GMPS: variants seen among roughly 807,000 people sequenced by gnomAD.
GMPS encodes the protein GMP synthase [glutamine-hydrolyzing].
A neutral mutation model predicts 77.9 loss-of-function variants in GMPS; 15 were observed. The observed-to-expected ratio is 0.19, with a 90% CI of 0.13 to 0.30. The LOEUF (loss-of-function observed/expected upper bound fraction) is 0.30. Ranked by LOEUF, GMPS falls within the 10% of genes least tolerant of loss-of-function variation. The probability of loss-of-function intolerance (pLI) is 1.00; values close to 1 mark genes in which losing one functional copy is unlikely to be tolerated. For missense variants in GMPS, 590 were observed against 838.8 expected (o/e 0.70, Z 3.66); for synonymous variants, 224 against 275.9 (o/e 0.81, Z 1.86).
intron 1 of GMPS, among the ~76,000 whole-genome samples, chr3:155,872,937 T>C (rs1753938665): frequency 6.6e-6 from 1 of 152,166 alleles, no homozygotes; most frequent in South Asian, 2.1e-4. Context: ...TAAAGAGATA[T>C]TAAATATGGG....
At chr3:155,892,584 AGT>A (rs577286288) in intron 1 of GMPS, among the ~76,000 whole-genome samples, 156 of 152,316 alleles carry the variant, frequency 1.0e-3, no homozygotes, top group African/African-American at 3.4e-3. Context: ...CTTTCAGAAA[AGT>A]GTTATCCATG....
Position 155,922,199 on chromosome 3 carries a change from C to T in GMPS, c.1331C>T (p.Ala444Val). 6.7e-7 allele frequency: 1 copy of T among 1,491,082 alleles called. No homozygotes were observed. The highest frequency in any genetic ancestry group is 9.1e-7 in the Non-Finnish European group (1 of 1,099,784). 92.4% of individuals were successfully genotyped at this position (1,491,082 alleles called of 1,614,324 possible). A position where few individuals can be genotyped will look rare whatever the true frequency, so the allele number is the denominator to read the frequency against. Residue 444 changes from alanine (A) to valine (V), a missense_variant, in exon 11 of 16, where the codon GCA becomes GTA. Around this residue, in one of 6 missense-constraint regions of GMPS, gnomAD observed 64 missense variants for 114.5 expected, o/e 0.56. Transcript: ENST00000496455. ...SRHPFPGPGLAIRVICAEEPY... is the reference protein window; with the variant it reads ...SRHPFPGPGLVIRVICAEEPY... ...CTCCTACCTTTAGGTCCTGGCCTGG[C>T]AATCAGAGTAATATGTGCTGAAGAA...
chr3:155,869,801 A>T (rs1283072659), upstream of GMPS, among the ~76,000 whole-genome samples: 1 of 152,222 alleles, frequency 6.6e-6, no homozygotes, highest in African/African-American at 2.4e-5. Flanking sequence ...GCTGTATTAT[A>T]ATAAAAATAT....
intron 9 of GMPS, among the ~76,000 whole-genome samples, chr3:155,917,751 T>C (rs1273756282): frequency 2.6e-5 from 4 of 151,992 alleles, no homozygotes; most frequent in Non-Finnish European, 5.9e-5. Context: ...CGGGCATCTA[T>C]AATGCCAGCT....
At chr3:155,872,176 A>G (rs952055349) in intron 1 of GMPS, among the ~76,000 whole-genome samples, 8 of 152,216 alleles carry the variant, frequency 5.3e-5, no homozygotes, top group Non-Finnish European at 5.9e-5. Flanking sequence ...GTGCTGCTCA[A>G]GGGTCACATC....
In GMPS at chr3:155,922,049, T is replaced by C. The variant is rs1043670629; in HGVS notation, c.1319-138T>C. On this transcript the variant is annotated intron_variant, in intron 10 of 15. Coordinates refer to ENST00000496455, the MANE Select transcript of GMPS (RefSeq NM_003875.3). Reference sequence around the variant, plus strand: ...GTTGAATGGGAAACTAATAGCTACATTTGGATACTTATGATGGGCAGATGG... The same window carrying C: ...GTTGAATGGGAAACTAATAGCTACACTTGGATACTTATGATGGGCAGATGG... The C allele has an allele frequency of 1.3e-5, 6 of 475,002 alleles. No individual in the cohort carries two copies. In the Admixed American group the frequency reaches 2.5e-4, roughly 20 times the overall value. 29.4% of individuals were successfully genotyped at this position (475,002 alleles called of 1,614,324 possible).
At chr3:155,937,290 A>T (rs550763007) in intron 15 of GMPS, among the ~76,000 whole-genome samples, 1 of 152,218 alleles carries the variant, frequency 6.6e-6, no homozygotes, top group South Asian at 2.1e-4. Flanking sequence ...TCAAATCGCT[A>T]TATGTTCTTA....
At chr3:155,925,134 C>G (rs1056615227) in intron 11 of GMPS, 107 bp from the exon 12 acceptor site, 1 of 948,884 alleles carries the variant, frequency 1.1e-6, no homozygotes, top group African/African-American at 1.6e-5. Context: ...ATACCAAATA[C>G]AATCCACTGC....
chr3:155,942,845 G>T lies in GMPS; in HGVS notation c.*5153G>T, dbSNP rs1755926258. On this transcript the variant is annotated 3_prime_UTR_variant, in exon 16 of 16. Transcript: ENST00000496455. ...TCAACACATAAATCCTGTCATTTGGGTATTATTCTTTAGAGAACTAGAGAT... is the reference window on the plus strand; with the variant it reads ...TCAACACATAAATCCTGTCATTTGGTTATTATTCTTTAGAGAACTAGAGAT... 9.4e-6 allele frequency: 2 copies of T among 212,516 alleles called. No homozygotes were observed. Among genetic ancestry groups the T allele is most frequent in the Non-Finnish European group, 1.9e-5 (2 of 105,040 alleles). 13.2% of individuals were successfully genotyped at this position (212,516 alleles called of 1,614,324 possible). A position where few individuals can be genotyped will look rare whatever the true frequency, so the allele number is the denominator to read the frequency against.
chr3:155,911,111 T>A lies in GMPS; in HGVS notation c.721-3T>A. The A allele has an allele frequency of 6.3e-7, 1 of 1,587,782 alleles. No individual in the cohort carries two copies. Among genetic ancestry groups the A allele is most frequent in the Non-Finnish European group, 8.6e-7 (1 of 1,169,092 alleles). Reference sequence around the variant, plus strand: ...CATTTTGATTTTTCATTTTACCCCGTAGGTTTTACTCAGTGGTGGAGTAGA... The same window carrying A: ...CATTTTGATTTTTCATTTTACCCCGAAGGTTTTACTCAGTGGTGGAGTAGA... On this transcript the variant is annotated splice_polypyrimidine_tract_variant and splice_region_variant and intron_variant, in intron 6 of 15. Coordinates refer to ENST00000496455, the MANE Select transcript of GMPS (RefSeq NM_003875.3).
At chr3:155,912,282 AGAG>A (rs1387701930) in intron 7 of GMPS, among the ~76,000 whole-genome samples, 2 of 152,218 alleles carry the variant, frequency 1.3e-5, no homozygotes, top group Non-Finnish European at 2.9e-5. Flanking sequence ...GATGTGGGAT[AGAG>A]GAGATGACAG....
In GMPS at chr3:155,943,468, T is replaced by C. The variant is rs537036894; in HGVS notation, c.*5776T>C. ...TTTAAGGTAAGTAGTTTTTCGTCTT[T>C]GCATCTCCTAAGACCATTGTTAACA... On this transcript the variant is annotated 3_prime_UTR_variant, in exon 16 of 16. Transcript: ENST00000496455. The C allele has an allele frequency of 3.3e-5, 6 of 179,310 alleles. No individual in the cohort carries two copies. The highest frequency in any genetic ancestry group is 7.2e-5 in the Non-Finnish European group (6 of 83,662). 11.1% of individuals were successfully genotyped at this position (179,310 alleles called of 1,614,324 possible). A position where few individuals can be genotyped will look rare whatever the true frequency, so the allele number is the denominator to read the frequency against.
chr3:155,884,450 A>G (rs1754283014), intron 1 of GMPS, among the ~76,000 whole-genome samples: 2 of 152,120 alleles, frequency 1.3e-5, no homozygotes, highest in Admixed American at 6.6e-5. Context: ...ATTTTAGTCA[A>G]CAGTGCCAAC....
intron 1 of GMPS, among the ~76,000 whole-genome samples, chr3:155,879,764 A>G (rs1251198421): frequency 5.0e-5 from 5 of 99,612 alleles, no homozygotes; most frequent in African/African-American, 2.0e-4. Flanking sequence ...GGAGTCTCGC[A>G]CTGTTCCCCG....
At chr3:155,877,410 G>A (rs1754077240) in intron 1 of GMPS, among the ~76,000 whole-genome samples, 1 of 151,982 alleles carries the variant, frequency 6.6e-6, no homozygotes, top group African/African-American at 2.4e-5. Flanking sequence ...TCTGCTTAAA[G>A]TATCCAACCC....
In GMPS at chr3:155,941,380, G is replaced by T; in HGVS notation, c.*3688G>T. The T allele has an allele frequency of 5.8e-6, 1 of 171,274 alleles. No homozygotes were observed. Among genetic ancestry groups the T allele is most frequent in the Non-Finnish European group, 1.2e-5 (1 of 84,150 alleles). 10.6% of individuals were successfully genotyped at this position (171,274 alleles called of 1,614,324 possible). A position where few individuals can be genotyped will look rare whatever the true frequency, so the allele number is the denominator to read the frequency against. ...GATAGTGCCACTGCACTCCGGCCTG[G>T]TGAAAGAGCGAGACTCAGTCTCAAA... On this transcript the variant is annotated 3_prime_UTR_variant, in exon 16 of 16. Transcript: ENST00000496455.
chr3:155,878,404 G>C (rs1175026751), intron 1 of GMPS, among the ~76,000 whole-genome samples: 1 of 152,058 alleles, frequency 6.6e-6, no homozygotes, highest in East Asian at 1.9e-4. Flanking sequence ...CCACTTATCA[G>C]TTGATGAACA....
intron 12 of GMPS, among the ~76,000 whole-genome samples, chr3:155,925,845 T>C (rs1755440884): frequency 6.6e-6 from 1 of 152,094 alleles, no homozygotes; most frequent in Non-Finnish European, 1.5e-5. Context: ...AGTTACACCA[T>C]TTAGGTGTTG....
Position 155,900,040 on chromosome 3 carries a change from A to G in GMPS, c.324+1999A>G, listed in dbSNP as rs188573817. On this transcript the variant is annotated intron_variant, in intron 3 of 15. Coordinates refer to ENST00000496455, the MANE Select transcript of GMPS (RefSeq NM_003875.3). ...TCTACTAACGTCTTGGTGACTTCCA[A>G]GTTTTGGTAATTATGAATAAAGGTG... Among the ~76,000 whole-genome samples, 187 of 152,284 alleles carry G rather than the reference A, an allele frequency of 1.2e-3. 1 individual carries two copies. The highest frequency in any genetic ancestry group is 4.2e-3 in the African/African-American group (175 of 41,564).
Sources: gnomAD v4.1 joint callset for allele counts (sites outside exome capture counted in the v4.1 genomes callset) on GRCh38, gnomAD v4.1.1 for gene constraint, gnomAD v4.1.1 regional missense constraint, MANE v1.5 for transcripts, NCBI Gene and HGNC (gene_info 2026-07-23, HGNC 2026-07-21) for gene names.